Variants in SPMAP2 observed in about 807,000 individuals in gnomAD.
The protein encoded by SPMAP2 is sperm microtubule associated protein 2.
the SPMAP2 span, chr19:374,509 G>T: frequency 6.4e-7 from 1 of 1,560,122 alleles, no homozygotes; most frequent in Non-Finnish European, 8.7e-7. Flanking sequence ...TTGCTCAAGC[G>T]CCTTTTGTCT....
At chr19:367,189 G>A in the SPMAP2 span, 20 of 1,607,388 alleles carry the variant, frequency 1.2e-5, 1 homozygote, top group South Asian at 2.1e-4. Context: ...GCGAGCTGGG[G>A]ACTGCCATTT....
the SPMAP2 span, among the ~76,000 whole-genome samples, chr19:363,871 T>A: frequency 1.3e-5 from 2 of 152,010 alleles, no homozygotes; most frequent in Admixed American, 1.3e-4. Context: ...TCTTGCTGTG[T>A]CTCCCAGGCT....
At chr19:363,269 T>G in the SPMAP2 span, among the ~76,000 whole-genome samples, 1 of 152,040 alleles carries the variant, frequency 6.6e-6, no homozygotes, top group African/African-American at 2.4e-5. Context: ...CTCGGCTCAC[T>G]GCAACCTCCG....
the SPMAP2 span, among the ~76,000 whole-genome samples, chr19:370,204 C>T: frequency 5.9e-5 from 9 of 152,332 alleles, no homozygotes; most frequent in African/African-American, 1.4e-4. Flanking sequence ...TGCAAGACGG[C>T]GCCGTCACTT....
At chr19:370,043 C>A in the SPMAP2 span, among the ~76,000 whole-genome samples, 1 of 152,110 alleles carries the variant, frequency 6.6e-6, no homozygotes, top group African/African-American at 2.4e-5. Context: ...TGCAAGATGG[C>A]CAGGATACGG....
chr19:362,335 C>T, the SPMAP2 span: 11 of 1,610,722 alleles, frequency 6.8e-6, no homozygotes, highest in South Asian at 1.2e-4. Flanking sequence ...GGGAGATGAT[C>T]CGGGGGCTGG....
At chr19:367,264 C>A in the SPMAP2 span, 1 of 1,536,914 alleles carries the variant, frequency 6.5e-7, no homozygotes, top group South Asian at 1.3e-5. Context: ...GTGAAACAGT[C>A]CATGATGCCT....
At chr19:363,267 A>C in the SPMAP2 span, among the ~76,000 whole-genome samples, 4 of 149,678 alleles carry the variant, frequency 2.7e-5, no homozygotes, top group Admixed American at 2.7e-4. Flanking sequence ...ATCTCGGCTC[A>C]CTGCAACCTC....
At chr19:361,939 C>T in the SPMAP2 span, 15,508 of 265,810 alleles carry the variant, frequency 0.058, 2,407 homozygotes, top group African/African-American at 0.28. Context: ...GTTCCGACTC[C>T]GACGGTCCCG....
At chr19:367,186 G>A in the SPMAP2 span, 6 of 1,607,512 alleles carry the variant, frequency 3.7e-6, no homozygotes, top group African/African-American at 5.4e-5. Context: ...TCCGCGAGCT[G>A]GGGACTGCCA....
the SPMAP2 span, among the ~76,000 whole-genome samples, chr19:363,159 T>C: frequency 1.3e-5 from 2 of 152,214 alleles, no homozygotes; most frequent in Non-Finnish European, 2.9e-5. Context: ...GTGACTGTAC[T>C]AAAAGCCACT....
the SPMAP2 span, among the ~76,000 whole-genome samples, chr19:364,200 G>C: frequency 1.3e-5 from 2 of 150,760 alleles, no homozygotes; most frequent in African/African-American, 2.4e-5. Context: ...AGCCGGGCGT[G>C]GTGGCGGCTG....
chr19:373,894 C>T, the SPMAP2 span: 270 of 1,574,578 alleles, frequency 1.7e-4, no homozygotes, highest in Non-Finnish European at 2.1e-4. Flanking sequence ...GAACCTGACA[C>T]GTGTCCCCCA....
the SPMAP2 span, among the ~76,000 whole-genome samples, chr19:365,885 G>A: frequency 6.6e-6 from 1 of 152,218 alleles, no homozygotes; most frequent in Non-Finnish European, 1.5e-5. Flanking sequence ...TGTCATGCCT[G>A]TAATCCCAGC....
the SPMAP2 span, chr19:375,836 G>A: frequency 3.4e-5 from 55 of 1,604,462 alleles, no homozygotes; most frequent in Middle Eastern, 1.7e-4. Context: ...CCTGGCGTTC[G>A]GGGTCTGTGA....
chr19:375,547 G>T, the SPMAP2 span: 15 of 1,140,236 alleles, frequency 1.3e-5, no homozygotes, highest in South Asian at 1.8e-5. Flanking sequence ...CAGCGAGCCA[G>T]GCCGGTGGCC....
the SPMAP2 span, chr19:375,541 G>C: frequency 4.3e-5 from 47 of 1,104,498 alleles, no homozygotes; most frequent in Non-Finnish European, 5.9e-5. Context: ...CGGGAGCAGC[G>C]AGCCAGGCCG....
At chr19:369,790 G>A in the SPMAP2 span, among the ~76,000 whole-genome samples, 2 of 152,142 alleles carry the variant, frequency 1.3e-5, no homozygotes, top group African/African-American at 2.4e-5. Context: ...GGTGGATCTC[G>A]CAAAGAACCT....
At chr19:365,796 C>T in the SPMAP2 span, among the ~76,000 whole-genome samples, 1 of 151,978 alleles carries the variant, frequency 6.6e-6, no homozygotes, top group Non-Finnish European at 1.5e-5. Context: ...CACTCTCGCT[C>T]TAACCCCACA....
Sources: allele counts gnomAD v4.1 joint callset (sites outside exome capture counted in the v4.1 genomes callset), GRCh38; gene constraint gnomAD v4.1.1; transcripts MANE v1.5; gene names NCBI Gene and HGNC (gene_info 2026-07-23, HGNC 2026-07-21).